HIGD1A: variants seen among roughly 807,000 people sequenced by gnomAD.
HIGD1A encodes the protein HIG1 domain family member 1A, mitochondrial.
In HIGD1A, 8 loss-of-function variants were observed where a neutral mutation model predicts 11.3. That is an observed-to-expected ratio of 0.71 (90% CI 0.42 to 1.28). The LOEUF (loss-of-function observed/expected upper bound fraction) is 1.28, where lower values mean the gene tolerates loss of function less well. Ranked by LOEUF, HIGD1A falls within the 50% of genes most tolerant of loss-of-function variation. The probability of loss-of-function intolerance (pLI) is 0.01; values close to 1 mark genes in which losing one functional copy is unlikely to be tolerated. For missense variants in HIGD1A, 107 were observed against 118.8 expected (o/e 0.90, Z 0.46); for synonymous variants, 32 against 38.4 (o/e 0.83, Z 0.62).
At chr3:42,794,127 C>A in intron 2 of HIGD1A, 30 bp downstream of exon 2, 1 of 1,590,822 alleles carries the variant, frequency 6.3e-7, no homozygotes, top group Non-Finnish European at 8.5e-7. Context: ...CTACCATATT[C>A]AAGACTACTA....
At chr3:42,799,391 C>G (rs1700527023) in intron 1 of HIGD1A, among the ~76,000 whole-genome samples, 1 of 152,000 alleles carries the variant, frequency 6.6e-6, no homozygotes, top group Non-Finnish European at 1.5e-5. Flanking sequence ...ATTAAACCTA[C>G]AAAGGCAGTC....
In HIGD1A at chr3:42,785,235, A is replaced by C. The variant is rs1277348157; in HGVS notation, c.*36T>G. On this transcript the variant is annotated 3_prime_UTR_variant, in exon 4 of 4. Transcript: ENST00000321331. ...AATAATAAGACATCTAACTAAAGCA[A>C]GCTCCTCCAACAAGACCAAGACAGC... is the stretch of plus-strand genomic sequence containing the variant. 1.5e-5 allele frequency: 23 copies of C among 1,561,626 alleles called. No individual in the cohort carries two copies. The highest frequency in any genetic ancestry group is 2.0e-5 in the Non-Finnish European group (23 of 1,143,876).
Position 42,783,110 on chromosome 3 carries a change from T to C in HIGD1A, c.*2161A>G, listed in dbSNP as rs573542630. Among the ~76,000 whole-genome samples, 1 of 152,346 alleles carries C rather than the reference T, an allele frequency of 6.6e-6. No homozygotes were observed. The highest frequency in any genetic ancestry group is 2.4e-5 in the African/African-American group (1 of 41,568). Reference sequence around the variant, plus strand: ...TGACCAAGAGATTAATGGGAATGTTTTGAGTTTCAAATACATTTAAACTGT... The same window carrying C: ...TGACCAAGAGATTAATGGGAATGTTCTGAGTTTCAAATACATTTAAACTGT... On this transcript the variant is annotated 3_prime_UTR_variant, in exon 4 of 4. Coordinates refer to ENST00000321331, the MANE Select transcript of HIGD1A (RefSeq NM_014056.4).
intron 1 of HIGD1A, among the ~76,000 whole-genome samples, chr3:42,803,381 C>T (rs1372090340): frequency 1.3e-5 from 2 of 152,216 alleles, no homozygotes; most frequent in Admixed American, 1.3e-4. Context: ...GATTTTGCAT[C>T]AGTCGCCCAT....
intron 1 of HIGD1A, among the ~76,000 whole-genome samples, chr3:42,801,207 C>A (rs34822053): frequency 0.054 from 8,199 of 152,268 alleles, 320 homozygotes; most frequent in South Asian, 0.11. Flanking sequence ...CTGTCCACAT[C>A]ACCTTGAGTA....
intron 2 of HIGD1A, among the ~76,000 whole-genome samples, chr3:42,787,882 T>C (rs1398405736): frequency 6.6e-6 from 1 of 151,866 alleles, no homozygotes; most frequent in Non-Finnish European, 1.5e-5. Flanking sequence ...CCACATTCTT[T>C]AAAATGTCTA....
At chr3:42,795,787 G>A (rs1001175236) in intron 1 of HIGD1A, among the ~76,000 whole-genome samples, 8 of 150,920 alleles carry the variant, frequency 5.3e-5, no homozygotes, top group African/African-American at 1.9e-4. Context: ...CTCCTTTTCA[G>A]TCATCTCCGT....
chr3:42,787,911 A>T (rs1700372100), intron 2 of HIGD1A, among the ~76,000 whole-genome samples: 1 of 152,014 alleles, frequency 6.6e-6, no homozygotes, highest in Non-Finnish European at 1.5e-5. Context: ...TGACAAAACC[A>T]ATCATTTATT....
intron 1 of HIGD1A, among the ~76,000 whole-genome samples, chr3:42,802,256 A>G (rs545268284): frequency 3.5e-4 from 53 of 151,818 alleles, no homozygotes; most frequent in African/African-American, 1.3e-3. Flanking sequence ...TCCGTTCTTC[A>G]TCTATGATAC....
chr3:42,787,746 CTT>C (rs1307147136), intron 2 of HIGD1A, among the ~76,000 whole-genome samples: 1 of 150,662 alleles, frequency 6.6e-6, no homozygotes, highest in Non-Finnish European at 1.5e-5. Context: ...AAATCTGTCT[CTT>C]TCAGAAAACA....
chr3:42,790,652 T>C (rs1468506516), intron 2 of HIGD1A, among the ~76,000 whole-genome samples: 2 of 152,172 alleles, frequency 1.3e-5, no homozygotes, highest in African/African-American at 2.4e-5. Context: ...TAAAATCATA[T>C]TTAAGGACAC....
intron 3 of HIGD1A, 97 bp downstream of exon 3, chr3:42,785,931 A>C: frequency 9.2e-7 from 1 of 1,087,816 alleles, no homozygotes; most frequent in Middle Eastern, 2.9e-4. Context: ...GATATTCTCC[A>C]ACTGCTAAAA....
rs1187723650 is a variant in HIGD1A at position 42,792,668 on chromosome 3, C to T, written c.97+1489G>A. Among the ~76,000 whole-genome samples, 5 of 132,416 alleles carry T rather than the reference C, an allele frequency of 3.8e-5. No individual in the cohort carries two copies. In the East Asian group the frequency reaches 7.0e-4, roughly 19 times the overall value. The allele number at this position is 132,416 out of a possible 152,430, so 86.9% of individuals were successfully genotyped here. On this transcript the variant is annotated intron_variant, in intron 2 of 3. Coordinates refer to ENST00000321331, the MANE Select transcript of HIGD1A (RefSeq NM_014056.4). ...CAGCCTGGGCGACAGAGCAAGACTCCGTTTCAAAAAAAAAAAAAGTAGAGT... is the reference window on the plus strand; with the variant it reads ...CAGCCTGGGCGACAGAGCAAGACTCTGTTTCAAAAAAAAAAAAAGTAGAGT...
chr3:42,788,165 C>A (rs1700375437), intron 2 of HIGD1A, among the ~76,000 whole-genome samples: 1 of 151,992 alleles, frequency 6.6e-6, no homozygotes, highest in Admixed American at 6.6e-5. Context: ...AATTGTAAAA[C>A]CTCTAGGAAG....
intron 1 of HIGD1A, among the ~76,000 whole-genome samples, chr3:42,803,152 C>A (rs560632156): frequency 2.0e-5 from 3 of 152,172 alleles, no homozygotes; most frequent in African/African-American, 7.2e-5. Context: ...CTAAAAAAGG[C>A]ACCAGTAACC....
chr3:42,793,119 C>T (rs1276656834), intron 2 of HIGD1A, among the ~76,000 whole-genome samples: 1 of 151,738 alleles, frequency 6.6e-6, no homozygotes, highest in Non-Finnish European at 1.5e-5. Context: ...GAAATATGTA[C>T]ATCAAAATGG....
rs753083676 is a variant in HIGD1A, at chr3:42,785,320, C to A, written c.233G>T (p.Gly78Val). The stretch of plus-strand genomic sequence containing the variant: ...TTCCCGATACATGGAATAGCCCATA[C>A]CTAAAGAAAAAGAATGCTAGTTAAG... ...QGFVVGAMTV[G>V]MGYSMYREFW... The change falls in exon 4 of 4, where the codon GGT becomes GTT. Residue 78 changes from glycine (G) to valine (V), a missense_variant and splice_region_variant. Gly to Val is a moderately radical substitution (Grantham distance 109, BLOSUM62 -3). Coordinates refer to ENST00000321331, the MANE Select transcript of HIGD1A (RefSeq NM_014056.4). 1.2e-6 allele frequency: 2 copies of A among 1,607,412 alleles called. No homozygotes were observed. The highest frequency in any genetic ancestry group is 8.5e-7 in the Non-Finnish European group (1 of 1,176,428).
chr3:42,800,815 A>C (rs1380971996), intron 1 of HIGD1A, among the ~76,000 whole-genome samples: 3 of 151,672 alleles, frequency 2.0e-5, no homozygotes, highest in African/African-American at 7.3e-5. Flanking sequence ...AGCTCTTATG[A>C]GATGACCCGG....
chr3:42,786,810 C>A (rs1013912628), intron 2 of HIGD1A, among the ~76,000 whole-genome samples: 1 of 152,120 alleles, frequency 6.6e-6, no homozygotes, highest in Admixed American at 6.6e-5. Context: ...GGGTCTTGCT[C>A]TGTTGCCCAG....
Sources: gnomAD v4.1 joint callset for allele counts (sites outside exome capture counted in the v4.1 genomes callset) on GRCh38, gnomAD v4.1.1 for gene constraint, MANE v1.5 for transcripts, NCBI Gene and HGNC (gene_info 2026-07-23, HGNC 2026-07-21) for gene names.